CNKSR3: variants seen among roughly 807,000 people sequenced by gnomAD.
CNKSR3 encodes the protein connector enhancer of kinase suppressor of ras 3.
In CNKSR3, 36 loss-of-function variants were observed where a neutral mutation model predicts 67.7. The observed-to-expected ratio is 0.53, with a 90% CI of 0.41 to 0.70. The LOEUF is 0.70. CNKSR3 is among the 30% of genes least tolerant of loss of function. The probability of loss-of-function intolerance (pLI) is 0.00; values close to 1 mark genes in which losing one functional copy is unlikely to be tolerated. For synonymous variants in CNKSR3, 281 were observed against 271.4 expected (o/e 1.04, Z -0.35); for missense variants, 630 against 695.2 (o/e 0.91, Z 1.05).
At chr6:154,426,934 C>T (rs192111295) in intron 7 of CNKSR3, among the ~76,000 whole-genome samples, 298 of 152,322 alleles carry the variant, frequency 2.0e-3, no homozygotes, top group South Asian at 0.012. Context: ...TGTACTGAGT[C>T]TCGATCAAGG....
intron 1 of CNKSR3, among the ~76,000 whole-genome samples, chr6:154,492,608 T>G (rs548089928): frequency 6.6e-6 from 1 of 152,094 alleles, no homozygotes; most frequent in East Asian, 1.9e-4. Context: ...TAGCCTGGCG[T>G]GATGATGCAT....
intron 3 of CNKSR3, among the ~76,000 whole-genome samples, chr6:154,441,767 A>G (rs1254662667): frequency 1.3e-5 from 2 of 152,128 alleles, no homozygotes; most frequent in Non-Finnish European, 2.9e-5. Flanking sequence ...AAAAATTGAC[A>G]GTTAACATCC....
rs370023781 is a variant in CNKSR3 at position 154,428,197 on chromosome 6, A to G, written c.670-10T>C. 1.1e-5 allele frequency: 17 copies of G among 1,589,014 alleles called. No homozygotes were observed. The highest frequency in any genetic ancestry group is 1.4e-5 in the Non-Finnish European group (16 of 1,157,364). On this transcript the variant is annotated splice_polypyrimidine_tract_variant and intron_variant, in intron 6 of 12. Coordinates refer to ENST00000607772, the MANE Select transcript of CNKSR3 (RefSeq NM_173515.4). ...ATTTGATGTACATGCCCTGGAGTGA[A>G]TCACAAATAGATTAACTCATTACTC...
rs577948464 is a variant in CNKSR3 at position 154,505,658 on chromosome 6, C to T, written c.52+4405G>A. 5.2e-3 allele frequency among the ~76,000 whole-genome samples: 786 copies of T among 151,126 alleles called. 4 individuals are homozygous for T. The highest frequency in any genetic ancestry group is 0.018 in the African/African-American group (732 of 41,414). On this transcript the variant is annotated intron_variant, in intron 1 of 12. Transcript: ENST00000607772. ...GACTACAGGCGCCCACCACCACACCCGGCTAATTTTTTTTGTATTTTTTAG... is the reference window on the plus strand; with the variant it reads ...GACTACAGGCGCCCACCACCACACCTGGCTAATTTTTTTTGTATTTTTTAG...
intron 1 of CNKSR3, among the ~76,000 whole-genome samples, chr6:154,505,424 A>C (rs1787078155): frequency 6.6e-6 from 1 of 151,332 alleles, no homozygotes; most frequent in Non-Finnish European, 1.5e-5. Context: ...GGCCAGAGAG[A>C]CTTCTGTCCT....
chr6:154,446,595 G>A (rs1043867436), intron 2 of CNKSR3, among the ~76,000 whole-genome samples: 2 of 152,112 alleles, frequency 1.3e-5, no homozygotes, highest in Non-Finnish European at 1.5e-5. Context: ...ATACCAGTGC[G>A]CATAAGCACT....
intron 4 of CNKSR3, among the ~76,000 whole-genome samples, chr6:154,437,410 C>CTTTTTT (rs10665656): frequency 2.6e-4 from 27 of 102,134 alleles, no homozygotes; most frequent in African/African-American, 3.0e-4. Flanking sequence ...CACCTATGTT[C>CTTTTTT]TTTTTTTTTT....
intron 1 of CNKSR3, among the ~76,000 whole-genome samples, chr6:154,467,197 G>T (rs1297091084): frequency 6.6e-6 from 1 of 152,068 alleles, no homozygotes; most frequent in Non-Finnish European, 1.5e-5. Flanking sequence ...TACCCACCGG[G>T]AGTAGAGATA....
intron 3 of CNKSR3, among the ~76,000 whole-genome samples, chr6:154,441,608 C>G (rs924955666): frequency 6.6e-6 from 1 of 152,136 alleles, no homozygotes; most frequent in Non-Finnish European, 1.5e-5. Flanking sequence ...CTCAGCCTCC[C>G]GAGTAGCTGG....
intron 2 of CNKSR3, among the ~76,000 whole-genome samples, chr6:154,448,966 T>C (rs1231367951): frequency 2.6e-5 from 4 of 152,176 alleles, no homozygotes; most frequent in Non-Finnish European, 5.9e-5. Context: ...ATCCTGACAG[T>C]TAAGTAAACT....
Position 154,411,065 on chromosome 6 carries a change from G to T in CNKSR3, c.1148C>A (p.Ser383Tyr), listed in dbSNP as rs996481150. 6 of 1,613,950 alleles carry T rather than the reference G, an allele frequency of 3.7e-6. No individual in the cohort carries two copies. Among genetic ancestry groups the T allele is most frequent in the Non-Finnish European group, 5.1e-6 (6 of 1,179,972 alleles). ...QPLPGPKGSE[S>Y]PNSFLDQESR... is the part of the protein sequence containing the mutation. ...TTCCTGGTCCAAGAAGGAATTCGGG[G>T]ACTCTGAACCCTTAGGACCAGGCAA... Residue 383 changes from serine (S) to tyrosine (Y), a missense_variant, in exon 11 of 13, where the codon TCC (serine) becomes TAC (tyrosine). This residue lies in a region of CNKSR3 where 308 missense variants were observed against 299.6 expected (regional missense o/e 1.03). Transcript: ENST00000607772.
chr6:154,485,717 G>A (rs1184440687), intron 1 of CNKSR3, among the ~76,000 whole-genome samples: 1 of 152,178 alleles, frequency 6.6e-6, no homozygotes, highest in Non-Finnish European at 1.5e-5. Context: ...AAAGTCCCTT[G>A]AGAAGTTTGA....
chr6:154,500,687 C>T (rs1363855061), intron 1 of CNKSR3, among the ~76,000 whole-genome samples: 1 of 152,174 alleles, frequency 6.6e-6, no homozygotes, highest in Non-Finnish European at 1.5e-5. Context: ...CTAAAGCAAA[C>T]ATTAGGATAG....
chr6:154,483,431 C>A (rs1185406277), intron 1 of CNKSR3, among the ~76,000 whole-genome samples: 1 of 152,066 alleles, frequency 6.6e-6, no homozygotes. Flanking sequence ...CTTCACTGCC[C>A]AGCACTACCA....
At position 154,405,136 on chromosome 6, in the gene CNKSR3, A is replaced by G. The variant is rs1784761902; in HGVS notation, c.*1218T>C. ...CCTGTTCTTCCATTTCTAATCCATAAAATCCCAAAATGCTTGGGAGGGTTT... is the reference window on the plus strand; with the variant it reads ...CCTGTTCTTCCATTTCTAATCCATAGAATCCCAAAATGCTTGGGAGGGTTT... On this transcript the variant is annotated 3_prime_UTR_variant, in exon 13 of 13. Coordinates refer to ENST00000607772, the MANE Select transcript of CNKSR3 (RefSeq NM_173515.4). 6.6e-6 allele frequency: 1 copy of G among 152,442 alleles called. No homozygotes were observed. The highest frequency in any genetic ancestry group is 2.4e-5 in the African/African-American group (1 of 41,422). The allele number at this position is 152,442 out of a possible 1,614,324, so 9.4% of individuals were successfully genotyped here. A position where few individuals can be genotyped will look rare whatever the true frequency, so the allele number is the denominator to read the frequency against.
Position 154,414,456 on chromosome 6 carries a change from T to C in CNKSR3, c.946-33A>G, listed in dbSNP as rs762286976. The C allele has an allele frequency of 2.9e-5, 46 of 1,560,146 alleles. 3 individuals carry two copies. Among genetic ancestry groups the C allele is most frequent in the East Asian group, 9.0e-5 (4 of 44,450 alleles). ...AGGAGTAACACAGCAATGCAAAGAG[T>C]GGAGATCAATTCAGAGATGATTCTT... On this transcript the variant is annotated intron_variant, in intron 9 of 12. Transcript: ENST00000607772.
chr6:154,455,637 G>A (rs930610979), intron 1 of CNKSR3, among the ~76,000 whole-genome samples: 3 of 151,984 alleles, frequency 2.0e-5, no homozygotes, highest in Non-Finnish European at 4.4e-5. Flanking sequence ...GGCCAGGCTG[G>A]TCTCGAACTC....
chr6:154,493,070 G>A (rs1334429468), intron 1 of CNKSR3, among the ~76,000 whole-genome samples: 1 of 151,982 alleles, frequency 6.6e-6, no homozygotes, highest in East Asian at 1.9e-4. Context: ...CCCCCCAATA[G>A]CTCCCCAAAA....
Position 154,399,284 on chromosome 6 carries a change from T to G in CNKSR3, c.*7070A>C, listed in dbSNP as rs1584041329. ...TGAGCAATTTCCTGTTGGCCAGCTCTGAATACCTTATTCACTAGAGGCTGA... is the reference window on the plus strand; with the variant it reads ...TGAGCAATTTCCTGTTGGCCAGCTCGGAATACCTTATTCACTAGAGGCTGA... On this transcript the variant is annotated 3_prime_UTR_variant, in exon 13 of 13. Coordinates refer to ENST00000607772, the MANE Select transcript of CNKSR3 (RefSeq NM_173515.4). 6.6e-6 allele frequency: 1 copy of G among 152,236 alleles called. No homozygotes were observed. Among genetic ancestry groups the G allele is most frequent in the African/African-American group, 2.4e-5 (1 of 41,448 alleles). 9.4% of individuals were successfully genotyped at this position (152,236 alleles called of 1,614,324 possible). A position where few individuals can be genotyped will look rare whatever the true frequency, so the allele number is the denominator to read the frequency against.
Sources: allele counts gnomAD v4.1 joint callset (sites outside exome capture counted in the v4.1 genomes callset), GRCh38; gene constraint gnomAD v4.1.1; regional missense constraint gnomAD v4.1.1; transcripts MANE v1.5; gene names NCBI Gene and HGNC (gene_info 2026-07-23, HGNC 2026-07-21).